The following DDR2 variants were observed in gnomAD, a reference collection of about 807,000 sequenced individuals.
DDR2 encodes the protein discoidin domain-containing receptor 2.
A neutral mutation model predicts 94.9 loss-of-function variants in DDR2; 27 were observed. That is an observed-to-expected ratio of 0.28 (90% CI 0.21 to 0.39). DDR2 has a LOEUF of 0.39. Among genes scored for constraint, DDR2 ranks in the 10% least tolerant of loss-of-function variants. DDR2 has a pLI of 1.00. For synonymous variants in DDR2, 382 were observed against 377.2 expected, an observed-to-expected ratio of 1.01 and a Z score of -0.15; for missense variants, 783 against 1,076.0, an observed-to-expected ratio of 0.73 and a Z score of 3.81.
At chr1:162,650,584 A>C (rs1201761382) in intron 1 of DDR2, among the ~76,000 whole-genome samples, 3 of 152,158 alleles carry the variant, frequency 2.0e-5, no homozygotes, top group African/African-American at 7.2e-5. Context: ...CAACAGAGTG[A>C]GACTCCATCT....
chr1:162,749,026 A>C (rs937924346), intron 3 of DDR2, among the ~76,000 whole-genome samples: 2 of 152,274 alleles, frequency 1.3e-5, no homozygotes, highest in African/African-American at 4.8e-5. Context: ...GGAAATTTAT[A>C]GCACTAAATG....
rs1663441929 is a variant in DDR2 at position 162,755,918 on chromosome 1, T to A, written c.671+149T>A. 4.2e-6 allele frequency: 3 copies of A among 717,092 alleles called. No individual in the cohort carries two copies. In the South Asian group the frequency reaches 5.3e-5, roughly 13 times the overall value. The allele number at this position is 717,092 out of a possible 1,614,324, so 44.4% of individuals were successfully genotyped here. On this transcript the variant is annotated intron_variant, in intron 7 of 17. Coordinates refer to ENST00000367921, the MANE Select transcript of DDR2 (RefSeq NM_006182.4). ...TTTGGAAATAATTTAGATGAAGGAA[T>A]ACACATGACCTTTATTTCCAGGGAA... is the stretch of plus-strand genomic sequence containing the variant.
intron 9 of DDR2, among the ~76,000 whole-genome samples, chr1:162,764,017 A>G (rs888364527): frequency 6.6e-6 from 1 of 152,232 alleles, no homozygotes; most frequent in African/African-American, 2.4e-5. Context: ...TCCTGAGAAT[A>G]TATCCTACTA....
At chr1:162,727,701 C>CGTAG (rs1389294681) in intron 3 of DDR2, among the ~76,000 whole-genome samples, 2 of 147,726 alleles carry the variant, frequency 1.4e-5, no homozygotes, top group African/African-American at 4.9e-5. Flanking sequence ...ATTATCACTA[C>CGTAG]ACCAGAGACA....
At chr1:162,700,625 G>A (rs982126662) in intron 2 of DDR2, among the ~76,000 whole-genome samples, 1 of 152,190 alleles carries the variant, frequency 6.6e-6, no homozygotes, top group Admixed American at 6.5e-5. Flanking sequence ...ACATGAGCAT[G>A]CTGGGGCTGG....
intron 2 of DDR2, among the ~76,000 whole-genome samples, chr1:162,689,637 A>T (rs996277508): frequency 1.3e-5 from 2 of 151,364 alleles, no homozygotes; most frequent in South Asian, 4.2e-4. Flanking sequence ...AAAAATGTAA[A>T]TTGTCATTTA....
At position 162,741,255 on chromosome 1, in the gene DDR2, A is replaced by AT. The variant is rs1553250285; in HGVS notation, c.83-11840_83-11839insT. Among the ~76,000 whole-genome samples, 736 of 123,252 alleles carry AT rather than the reference A, an allele frequency of 6.0e-3. 6 individuals are homozygous for AT. The highest frequency in any genetic ancestry group is 9.1e-3 in the Non-Finnish European group (559 of 61,370). 80.9% of individuals were successfully genotyped at this position (123,252 alleles called of 152,430 possible). ...AATATAATATAATATAGTATAATGTAATGTAATGTAATATAATATAATATA... is the reference window on the plus strand; with the variant it reads ...AATATAATATAATATAGTATAATGTATATGTAATGTAATATAATATAATATA... On this transcript the variant is annotated intron_variant, in intron 3 of 17. Transcript: ENST00000367921.
chr1:162,713,580 A>G (rs1294678845), intron 2 of DDR2, among the ~76,000 whole-genome samples: 1 of 152,190 alleles, frequency 6.6e-6, no homozygotes, highest in African/African-American at 2.4e-5. Flanking sequence ...TGTGTCTATC[A>G]TAAAAATATA....
chr1:162,727,488 A>T (rs978865191), intron 3 of DDR2, among the ~76,000 whole-genome samples: 1 of 146,466 alleles, frequency 6.8e-6, no homozygotes, highest in Non-Finnish European at 1.5e-5. Flanking sequence ...ATATAGATAT[A>T]TCTATCTATA....
At chr1:162,728,514 A>G (rs892269139) in intron 3 of DDR2, among the ~76,000 whole-genome samples, 2 of 152,164 alleles carry the variant, frequency 1.3e-5, no homozygotes, top group African/African-American at 2.4e-5. Flanking sequence ...AGTAGGAACC[A>G]TATAATCTTG....
Position 162,716,406 on chromosome 1 carries a change from A to C in DDR2, c.-27-2631A>C, listed in dbSNP as rs569347227. On this transcript the variant is annotated intron_variant, in intron 2 of 17. Coordinates refer to ENST00000367921, the MANE Select transcript of DDR2 (RefSeq NM_006182.4). ...AAGGACATCCTGGATTATGGTCATG[A>C]GTTAGTGCTCAACTATAGCCAAGAC... Among the ~76,000 whole-genome samples the C allele has an allele frequency of 1.3e-4, 20 of 152,328 alleles. No individual in the cohort carries two copies. In the East Asian group the frequency reaches 3.7e-3, roughly 28 times the overall value.
intron 3 of DDR2, among the ~76,000 whole-genome samples, chr1:162,722,098 C>G (rs1439280204): frequency 6.6e-6 from 1 of 150,942 alleles, no homozygotes; most frequent in Non-Finnish European, 1.5e-5. Context: ...TAAAAAAACT[C>G]TCTAGTATTT....
rs2102150207 is a variant in DDR2, at chr1:162,759,882, G to C, written c.758G>C (p.Gly253Ala). 1 of 1,614,166 alleles carries C rather than the reference G, an allele frequency of 6.2e-7. No homozygotes were observed. The highest frequency in any genetic ancestry group is 1.1e-5 in the South Asian group (1 of 91,084). The part of the protein sequence containing the change: ...TQTHEYHVWP[G>A]YDYVGWRNES... ...ACCCATGAATACCACGTGTGGCCCG[G>C]CTATGACTATGTGGGCTGGCGGAAC... Residue 253 changes from glycine (G) to alanine (A), a missense_variant, in exon 8 of 18, where the codon GGC becomes GCC. By Grantham distance (60) the Gly-to-Ala change is moderately conservative (BLOSUM62 0). Coordinates refer to ENST00000367921, the MANE Select transcript of DDR2 (RefSeq NM_006182.4).
intron 2 of DDR2, among the ~76,000 whole-genome samples, chr1:162,707,034 C>G (rs1571223471): frequency 2.0e-5 from 3 of 152,030 alleles, no homozygotes; most frequent in Non-Finnish European, 4.4e-5. Flanking sequence ...GAAAAGAATC[C>G]CAGACACTTG....
intron 1 of DDR2, among the ~76,000 whole-genome samples, chr1:162,635,873 C>A (rs1656792072): frequency 6.6e-6 from 1 of 152,206 alleles, no homozygotes; most frequent in African/African-American, 2.4e-5. Context: ...AAATCTCCAA[C>A]TGTGTTGTCT....
At chr1:162,686,308 C>T (rs1457420653) in intron 2 of DDR2, among the ~76,000 whole-genome samples, 3 of 152,114 alleles carry the variant, frequency 2.0e-5, no homozygotes, top group Non-Finnish European at 4.4e-5. Flanking sequence ...TATCAACCCA[C>T]CATCTAGGTT....
At chr1:162,643,357 T>A (rs564029705) in intron 1 of DDR2, among the ~76,000 whole-genome samples, 10 of 152,166 alleles carry the variant, frequency 6.6e-5, no homozygotes, top group Non-Finnish European at 1.0e-4. Context: ...GCTCAGAATG[T>A]CTGGTGTTGA....
At chr1:162,727,553 T>TAA (rs1661758803) in intron 3 of DDR2, among the ~76,000 whole-genome samples, 1 of 147,732 alleles carries the variant, frequency 6.8e-6, no homozygotes, top group Non-Finnish European at 1.5e-5. Flanking sequence ...AAAATAAAAA[T>TAA]AAATAAATAA....
At chr1:162,747,420 T>C (rs1332052927) in intron 3 of DDR2, among the ~76,000 whole-genome samples, 1 of 150,894 alleles carries the variant, frequency 6.6e-6, no homozygotes. Context: ...TTCAAGTGAA[T>C]GAAATGAAGC....
Sources: gnomAD v4.1 joint callset for allele counts (sites outside exome capture counted in the v4.1 genomes callset) on GRCh38, gnomAD v4.1.1 for gene constraint, MANE v1.5 for transcripts, NCBI Gene and HGNC (gene_info 2026-07-23, HGNC 2026-07-21) for gene names.